Variants in ST7 observed in about 807,000 individuals in gnomAD.
ST7 encodes the protein suppressor of tumorigenicity 7 protein.
In ST7, 28 loss-of-function variants were observed where a neutral mutation model predicts 78.7. The observed-to-expected ratio is 0.36, with a 90% CI of 0.26 to 0.49. The LOEUF is 0.49. ST7 is among the 20% of genes least tolerant of loss of function. The probability of loss-of-function intolerance (pLI) is 0.99; values close to 1 mark genes in which losing one functional copy is unlikely to be tolerated. For missense variants in ST7, 418 were observed against 696.0 expected (o/e 0.60, Z 4.49); for synonymous variants, 247 against 249.6 (o/e 0.99, Z 0.10).
At chr7:116,988,563 A>G (rs73714363) in intron 1 of ST7, among the ~76,000 whole-genome samples, 52 of 152,330 alleles carry the variant, frequency 3.4e-4, no homozygotes, top group African/African-American at 1.2e-3. Flanking sequence ...TAATAATATT[A>G]TGATCACTAG....
intron 1 of ST7, among the ~76,000 whole-genome samples, chr7:117,028,462 T>A (rs552999443): frequency 6.6e-6 from 1 of 152,282 alleles, no homozygotes; most frequent in African/African-American, 2.4e-5. Context: ...CTTTACTACC[T>A]CCTCCACCTC....
intron 12 of ST7, among the ~76,000 whole-genome samples, chr7:117,196,386 CCAACA>C (rs2067229): frequency 0.58 from 87,483 of 151,506 alleles, 27,235 homozygotes; most frequent in East Asian, 0.89. Context: ...TACATTCCCA[CCAACA>C]GTGCACAAGG....
chr7:117,198,386 G>A, intron 12 of ST7: 1 of 451,604 alleles, frequency 2.2e-6, no homozygotes, highest in Non-Finnish European at 4.4e-6. Flanking sequence ...ACCCTAGCCT[G>A]AAGAAGGACA....
chr7:117,059,605 A>T (rs922885074), intron 1 of ST7, among the ~76,000 whole-genome samples: 18 of 152,032 alleles, frequency 1.2e-4, no homozygotes, highest in South Asian at 2.1e-4. Flanking sequence ...GTTGAGAATT[A>T]TGTCATCCCT....
chr7:117,211,464 G>C (rs1792286055), intron 13 of ST7, among the ~76,000 whole-genome samples: 1 of 152,192 alleles, frequency 6.6e-6, no homozygotes, highest in South Asian at 2.1e-4. Flanking sequence ...AGACAGAAAA[G>C]CCCAGCAGGG....
intron 3 of ST7, among the ~76,000 whole-genome samples, chr7:117,121,589 A>G (rs551106583): frequency 2.0e-5 from 3 of 152,248 alleles, no homozygotes; most frequent in African/African-American, 7.2e-5. Flanking sequence ...TTTCTTCTTT[A>G]TCCTTCATGT....
chr7:116,991,852 A>C (rs575007099), intron 1 of ST7, among the ~76,000 whole-genome samples: 2 of 152,290 alleles, frequency 1.3e-5, no homozygotes, highest in South Asian at 2.1e-4. Flanking sequence ...ATTACGTCCT[A>C]GTACAGATGT....
intron 1 of ST7, among the ~76,000 whole-genome samples, chr7:117,002,813 CTTTTTT>C (rs397970060): frequency 0.014 from 1,028 of 72,118 alleles, 5 homozygotes; most frequent in Admixed American, 0.019. Flanking sequence ...ATTTTTTTTC[CTTTTTT>C]TTTTTTTTTT....
intron 12 of ST7, among the ~76,000 whole-genome samples, chr7:117,192,376 C>A (rs1037685077): frequency 2.6e-5 from 4 of 152,110 alleles, no homozygotes; most frequent in Non-Finnish European, 2.9e-5. Flanking sequence ...GTGATTCTGT[C>A]ATTTATCAGC....
intron 2 of ST7, among the ~76,000 whole-genome samples, chr7:117,111,707 A>T (rs1369046642): frequency 6.6e-6 from 1 of 152,062 alleles, no homozygotes; most frequent in Non-Finnish European, 1.5e-5. Context: ...AAGCCTTCCC[A>T]TCCCAGTCCA....
intron 9 of ST7, among the ~76,000 whole-genome samples, chr7:117,155,766 C>T (rs1246816516): frequency 6.6e-6 from 1 of 152,178 alleles, no homozygotes; most frequent in Admixed American, 6.5e-5. Context: ...ACTTCCAACT[C>T]TCCAGGGACC....
At chr7:116,981,901 GTAAT>G (rs1197036627) in intron 1 of ST7, among the ~76,000 whole-genome samples, 4 of 152,214 alleles carry the variant, frequency 2.6e-5, no homozygotes, top group African/African-American at 7.2e-5. Context: ...ACAAAAGTGA[GTAAT>G]TATTTGTGCT....
chr7:116,987,113 A>G (rs1487680086), intron 1 of ST7, among the ~76,000 whole-genome samples: 1 of 152,194 alleles, frequency 6.6e-6, no homozygotes, highest in African/African-American at 2.4e-5. Context: ...TTCTGATCCT[A>G]TGGCTTTTCT....
At chr7:117,189,623 C>A (rs1229884932) in intron 11 of ST7, among the ~76,000 whole-genome samples, 1 of 152,134 alleles carries the variant, frequency 6.6e-6, no homozygotes, top group Non-Finnish European at 1.5e-5. Context: ...TTTGAAATTC[C>A]ATGCTTCTGA....
intron 1 of ST7, among the ~76,000 whole-genome samples, chr7:117,013,648 C>T (rs751548857): frequency 1.3e-5 from 2 of 152,046 alleles, no homozygotes; most frequent in Non-Finnish European, 2.9e-5. Context: ...GCCAATGTGG[C>T]GAAACCCCAT....
At chr7:117,143,402 T>G (rs933621149) in intron 9 of ST7, among the ~76,000 whole-genome samples, 8 of 152,324 alleles carry the variant, frequency 5.3e-5, no homozygotes, top group African/African-American at 1.4e-4. Flanking sequence ...ATACTCTTAG[T>G]TTCCCTAAAA....
At chr7:117,079,101 G>A (rs1331341217) in intron 1 of ST7, among the ~76,000 whole-genome samples, 1 of 152,060 alleles carries the variant, frequency 6.6e-6, no homozygotes, top group African/African-American at 2.4e-5. Flanking sequence ...AAAAATGCAT[G>A]GTTGCGTCTG....
chr7:117,177,108 A>G (rs1808397890), intron 10 of ST7, among the ~76,000 whole-genome samples: 1 of 152,208 alleles, frequency 6.6e-6, no homozygotes, highest in African/African-American at 2.4e-5. Context: ...TCACTGAGAA[A>G]TGGTGGTCCT....
intron 2 of ST7, chr7:117,112,213 A>G (rs1423249531): frequency 6.6e-6 from 1 of 152,224 alleles, no homozygotes; most frequent in Non-Finnish European, 1.5e-5. Context: ...GGTAAATAAA[A>G]TAATTAATTC....
Sources: allele counts gnomAD v4.1 joint callset (sites outside exome capture counted in the v4.1 genomes callset), GRCh38; gene constraint gnomAD v4.1.1; transcripts MANE v1.5; gene names NCBI Gene and HGNC (gene_info 2026-07-23, HGNC 2026-07-21).